The following UGT1A9 variants were observed in gnomAD, a reference collection of about 807,000 sequenced individuals.
The protein encoded by UGT1A9 is UDP-glucuronosyltransferase 1A9.
UGT1A9 carries 35 observed loss-of-function variants against 45.0 expected under a neutral mutation model. The ratio of observed to expected loss-of-function variants is 0.78; its 90% CI spans 0.59 to 1.03. The LOEUF is 1.03. Ranked by LOEUF, UGT1A9 falls within the 50% of genes least tolerant of loss-of-function variation. The pLI is 0.00. For missense variants in UGT1A9, 687 were observed against 666.6 expected, an observed-to-expected ratio of 1.03 and a Z score of -0.34; for synonymous variants, 278 against 250.6, an observed-to-expected ratio of 1.11 and a Z score of -1.03.
intron 1 of UGT1A9, among the ~76,000 whole-genome samples, chr2:233,705,007 G>A (rs2075816854): frequency 6.6e-6 from 1 of 152,012 alleles, no homozygotes; most frequent in South Asian, 2.1e-4. Flanking sequence ...ATGGTGGCAG[G>A]CGCCTGTAAT....
intron 1 of UGT1A9, chr2:233,713,367 A>G (rs764672319): frequency 5.0e-6 from 8 of 1,614,076 alleles, no homozygotes; most frequent in Middle Eastern, 3.3e-4. Context: ...GATCATACAT[A>G]GGTCTTGTGT....
intron 1 of UGT1A9, among the ~76,000 whole-genome samples, chr2:233,725,558 CAT>C (rs771607724): frequency 6.6e-6 from 1 of 152,212 alleles, no homozygotes; most frequent in Middle Eastern, 3.4e-3. Context: ...ATCCTTTCAA[CAT>C]ATATTCGATA....
intron 1 of UGT1A9, among the ~76,000 whole-genome samples, chr2:233,705,713 G>A (rs1445913249): frequency 6.6e-6 from 1 of 152,162 alleles, no homozygotes; most frequent in African/African-American, 2.4e-5. Flanking sequence ...CCAGTATATT[G>A]TTATCTTTTA....
chr2:233,726,610 C>T (rs1191468440), intron 1 of UGT1A9, among the ~76,000 whole-genome samples: 1 of 152,148 alleles, frequency 6.6e-6, no homozygotes, highest in Non-Finnish European at 1.5e-5. Context: ...TTACACTGTC[C>T]TGCCCAGATA....
At chr2:233,741,628 C>T (rs1691725357) in intron 1 of UGT1A9, 1 of 151,848 alleles carries the variant, frequency 6.6e-6, no homozygotes, top group Non-Finnish European at 1.5e-5. Context: ...CCCCATGAGC[C>T]CCTGTGGGAT....
chr2:233,702,722 A>G (rs2075703020), intron 1 of UGT1A9, among the ~76,000 whole-genome samples: 1 of 152,198 alleles, frequency 6.6e-6, no homozygotes, highest in Non-Finnish European at 1.5e-5. Flanking sequence ...ATTGAAATGA[A>G]CATGGTTTTC....
At chr2:233,731,193 A>T (rs750244105) in intron 1 of UGT1A9, among the ~76,000 whole-genome samples, 1 of 152,062 alleles carries the variant, frequency 6.6e-6, no homozygotes, top group Admixed American at 6.6e-5. Context: ...TAATTATTCA[A>T]TTATAAAATA....
chr2:233,734,069 C>T (rs2078473996), intron 1 of UGT1A9, among the ~76,000 whole-genome samples: 1 of 152,054 alleles, frequency 6.6e-6, no homozygotes, highest in South Asian at 2.1e-4. Context: ...AACAAACCTG[C>T]ACATTGTGCA....
At chr2:233,684,390 A>G (rs2074678224) in intron 1 of UGT1A9, among the ~76,000 whole-genome samples, 1 of 152,198 alleles carries the variant, frequency 6.6e-6, no homozygotes. Flanking sequence ...TTACAGCACC[A>G]GCCATCACTC....
rs1272833298 is a variant in UGT1A9, at chr2:233,768,361, C to T, written c.1217C>T (p.Ala406Val). ...DNAKRMETKG[A>V]GVTLNVLEMT... is the part of the protein sequence containing the mutation. ...GCAAAGCGCATGGAGACTAAGGGAG[C>T]TGGAGTGACCCTGAATGTTCTGGAA... Residue 406 changes from alanine to valine, a missense_variant, in exon 4 of 5, where the codon GCT becomes GTT. Physicochemically the swap from Ala to Val is moderately conservative, Grantham distance 64. Coordinates refer to ENST00000354728, the MANE Select transcript of UGT1A9 (RefSeq NM_021027.3). 1 of 1,614,004 alleles carries T rather than the reference C, an allele frequency of 6.2e-7. No individual in the cohort carries two copies. The highest frequency in any genetic ancestry group is 1.3e-5 in the African/African-American group (1 of 74,914).
chr2:233,707,802 G>A (rs900827108), intron 1 of UGT1A9, among the ~76,000 whole-genome samples: 5 of 152,298 alleles, frequency 3.3e-5, no homozygotes, highest in South Asian at 2.1e-4. Flanking sequence ...GAGCTGCTGC[G>A]TTGGAGGGCG....
intron 1 of UGT1A9, 25 bp from the exon 2 acceptor site, chr2:233,767,005 TTAAC>T (rs753326341): frequency 3.7e-6 from 6 of 1,613,726 alleles, no homozygotes; most frequent in Non-Finnish European, 5.1e-6. Flanking sequence ...TGAGAAAAAA[TTAAC>T]TGAAAATTTT....
intron 1 of UGT1A9, among the ~76,000 whole-genome samples, chr2:233,702,063 A>T (rs2125588701): frequency 6.6e-6 from 1 of 152,360 alleles, no homozygotes; most frequent in South Asian, 2.1e-4. Context: ...CACTAATTTT[A>T]ATGGTTTTTG....
At chr2:233,724,425 G>A in intron 1 of UGT1A9, among the ~76,000 whole-genome samples, 1 of 126,932 alleles carries the variant, frequency 7.9e-6, no homozygotes, top group East Asian at 2.6e-4. Flanking sequence ...CGGGCGGAGA[G>A]GCTCCTCACT....
At chr2:233,705,261 G>A (rs1042123676) in intron 1 of UGT1A9, among the ~76,000 whole-genome samples, 1 of 152,140 alleles carries the variant, frequency 6.6e-6, no homozygotes, top group Admixed American at 6.5e-5. Context: ...ATTCTATGGG[G>A]TCACTTGCTT....
chr2:233,673,845 A>G (rs1298635011), intron 1 of UGT1A9, among the ~76,000 whole-genome samples: 1 of 152,208 alleles, frequency 6.6e-6, no homozygotes, highest in Non-Finnish European at 1.5e-5. Flanking sequence ...TAGATGTACA[A>G]TATACAATGT....
chr2:233,683,321 G>A (rs1258493132), intron 1 of UGT1A9, among the ~76,000 whole-genome samples: 1 of 152,054 alleles, frequency 6.6e-6, no homozygotes, highest in Non-Finnish European at 1.5e-5. Flanking sequence ...GATTTGACAT[G>A]TTCTTTTAAT....
chr2:233,680,241 A>G (rs2074479901), intron 1 of UGT1A9, among the ~76,000 whole-genome samples: 1 of 152,154 alleles, frequency 6.6e-6, no homozygotes, highest in Non-Finnish European at 1.5e-5. Flanking sequence ...AGGTTTAAAA[A>G]ATTACACTAA....
At chr2:233,729,375 G>A (rs148006660) in intron 1 of UGT1A9, 162 of 1,614,004 alleles carry the variant, frequency 1.0e-4, no homozygotes, top group African/African-American at 2.0e-4. Flanking sequence ...ATGCCATTTC[G>A]TGGACCCAGG....
Sources: gnomAD v4.1 joint callset for allele counts (sites outside exome capture counted in the v4.1 genomes callset) on GRCh38, gnomAD v4.1.1 for gene constraint, MANE v1.5 for transcripts, NCBI Gene and HGNC (gene_info 2026-07-23, HGNC 2026-07-21) for gene names.